Variants in CDK12 observed in about 807,000 individuals in gnomAD.
CDK12 encodes the protein cyclin-dependent kinase 12.
In CDK12, 17 loss-of-function variants were observed where a neutral mutation model predicts 133.8. That is an observed-to-expected ratio of 0.13 (90% CI 0.09 to 0.19). The LOEUF (loss-of-function observed/expected upper bound fraction) is 0.19. CDK12 is among the 10% of genes least tolerant of loss of function. The probability of loss-of-function intolerance (pLI) is 1.00; values close to 1 mark genes in which losing one functional copy is unlikely to be tolerated. For synonymous variants in CDK12, 694 were observed against 683.6 expected, an observed-to-expected ratio of 1.02 and a Z score of -0.24; for missense variants, 1,508 against 1,818.7, an observed-to-expected ratio of 0.83 and a Z score of 3.11.
In CDK12 at chr17:39,470,343, G is replaced by C. The variant is rs541463106; in HGVS notation, c.1047-536G>C. On this transcript the variant is annotated intron_variant, in intron 1 of 13. Coordinates refer to ENST00000447079, the MANE Select transcript of CDK12 (RefSeq NM_016507.4). The stretch of plus-strand genomic sequence containing the variant: ...TCACCGTGTTAGCCAGGATGGTCTC[G>C]ATCTGCTGACCTGGTGATCTGCCCG... Among the ~76,000 whole-genome samples the C allele has an allele frequency of 2.6e-5, 4 of 151,738 alleles. No individual in the cohort carries two copies. The South Asian group carries it at 8.3e-4, about 32-fold the overall frequency.
downstream of CDK12, among the ~76,000 whole-genome samples, chr17:39,536,880 T>C (rs1014202174): frequency 6.6e-6 from 1 of 152,218 alleles, no homozygotes; most frequent in East Asian, 1.9e-4. Context: ...AGCATACTTC[T>C]GTGGAATAAG....
At chr17:39,493,152 C>G (rs946636317) in intron 4 of CDK12, among the ~76,000 whole-genome samples, 1 of 144,850 alleles carries the variant, frequency 6.9e-6, no homozygotes, top group Non-Finnish European at 1.5e-5. Context: ...CGCAACCACA[C>G]TCGACTAATT....
chr17:39,561,841 C>T (rs2056384462), intron 3 of CDK12, among the ~76,000 whole-genome samples: 2 of 152,188 alleles, frequency 1.3e-5, no homozygotes, highest in African/African-American at 4.8e-5. Context: ...TCAGGAACAG[C>T]ATATCTCCCA....
rs1203550834 is a variant in CDK12, at chr17:39,463,093, C to T, written c.1022C>T (p.Ser341Phe). The stretch of plus-strand genomic sequence containing the variant: ...AGCAGCCCTTTCCTGAGCAAGCGGT[C>T]TCTGAGTCGGAGTCCACTCCCCAGG... The part of the protein sequence containing the change: ...RSSSPFLSKR[S>F]LSRSPLPSRK... Residue 341 changes from serine (S) to phenylalanine (F), a missense_variant, in exon 1 of 14, where the codon TCT becomes TTT. Coordinates refer to ENST00000447079, the MANE Select transcript of CDK12 (RefSeq NM_016507.4). 4 of 1,614,098 alleles carry T rather than the reference C, an allele frequency of 2.5e-6. No individual in the cohort carries two copies. In the Middle Eastern group the frequency reaches 6.6e-4, roughly 266 times the overall value.
chr17:39,511,530 C>A lies in CDK12; in HGVS notation c.2668C>A (p.Arg890Ser). 6.3e-7 allele frequency: 1 copy of A among 1,589,228 alleles called. No individual in the cohort carries two copies. Among genetic ancestry groups the A allele is most frequent in the Non-Finnish European group, 8.6e-7 (1 of 1,161,472 alleles). ...TCATGGTTGTTTTTTATATTTCAGT[C>A]GCCCTTACACAAACAAAGTCATTAC... ...LARLYNSEES[R>S]PYTNKVITLW... The change falls in exon 8 of 14, where the codon CGC becomes AGC. Residue 890 changes from arginine to serine, a missense_variant and splice_region_variant. Physicochemically the swap from Arg to Ser is moderately radical, Grantham distance 110. Coordinates refer to ENST00000447079, the MANE Select transcript of CDK12 (RefSeq NM_016507.4).
intron 11 of CDK12, among the ~76,000 whole-genome samples, chr17:39,520,435 G>T (rs763385897): frequency 2.6e-5 from 4 of 151,924 alleles, no homozygotes; most frequent in Non-Finnish European, 5.9e-5. Flanking sequence ...AGTCTCTGTC[G>T]CCCAGGCTGG....
At position 39,467,065 on chromosome 17, in the gene CDK12, G is replaced by A. The variant is rs1297959751; in HGVS notation, c.1047-3814G>A. Among the ~76,000 whole-genome samples the A allele has an allele frequency of 4.6e-5, 7 of 151,886 alleles. 1 individual carries two copies. The highest frequency in any genetic ancestry group is 8.8e-5 in the Non-Finnish European group (6 of 67,984). On this transcript the variant is annotated intron_variant, in intron 1 of 13. Transcript: ENST00000447079. ...GCGATCTCAGCTCACTGCAACCTCC[G>A]CCTCCCAGGTTCAAGCGATTCTCCT...
intron 2 of CDK12, among the ~76,000 whole-genome samples, chr17:39,476,517 A>C (rs1375111804): frequency 6.8e-6 from 1 of 147,310 alleles, no homozygotes; most frequent in African/African-American, 2.5e-5. Context: ...GGGTTCAAGC[A>C]ATTCTCCTGC....
chr17:39,551,010 C>T (rs2055934543), intron 1 of CDK12: 1 of 149,162 alleles, frequency 6.7e-6, no homozygotes, highest in South Asian at 2.1e-4. Context: ...ACTTGGAGCT[C>T]ATCTTGCCCC....
chr17:39,491,896 A>G lies in CDK12; in HGVS notation c.2109-855A>G, dbSNP rs552302450. Among the ~76,000 whole-genome samples, 141 of 150,734 alleles carry G rather than the reference A, an allele frequency of 9.4e-4. 1 individual carries two copies. The highest frequency in any genetic ancestry group is 4.7e-3 in the Admixed American group (70 of 15,038). Reference sequence around the variant, plus strand: ...GTAATCCCAGCACTTTGGGAGGCCAAGGCGGGTGGATCATGAGGTCAAGAG... The same window carrying G: ...GTAATCCCAGCACTTTGGGAGGCCAGGGCGGGTGGATCATGAGGTCAAGAG... On this transcript the variant is annotated intron_variant, in intron 3 of 13. Transcript: ENST00000447079.
At chr17:39,476,968 G>T (rs1321557438) in intron 2 of CDK12, among the ~76,000 whole-genome samples, 1 of 151,010 alleles carries the variant, frequency 6.6e-6, no homozygotes. Flanking sequence ...CCTGCCTCGG[G>T]CTTCCAACGT....
At chr17:39,514,061 C>CT (rs1368507633) in intron 8 of CDK12, among the ~76,000 whole-genome samples, 3 of 151,204 alleles carry the variant, frequency 2.0e-5, no homozygotes, top group Non-Finnish European at 2.9e-5. Flanking sequence ...TTAAATTTTA[C>CT]TTTTTTTTTC....
At chr17:39,552,779 A>G (rs1056719687) in intron 2 of CDK12, among the ~76,000 whole-genome samples, 1 of 152,000 alleles carries the variant, frequency 6.6e-6, no homozygotes, top group Non-Finnish European at 1.5e-5. Context: ...CAGGCTGGAG[A>G]GTGCAGTGGC....
intron 2 of CDK12, among the ~76,000 whole-genome samples, chr17:39,477,917 A>G (rs969265036): frequency 1.3e-5 from 2 of 151,728 alleles, no homozygotes; most frequent in Non-Finnish European, 2.9e-5. Flanking sequence ...TACATTGACC[A>G]GGCTGGTCTT....
chr17:39,504,209 C>T (rs180838791), intron 6 of CDK12, among the ~76,000 whole-genome samples: 4 of 152,256 alleles, frequency 2.6e-5, no homozygotes, highest in African/African-American at 9.6e-5. Flanking sequence ...AGGCAAATCT[C>T]TTTTGAATAT....
intron 8 of CDK12, 70 bp from the exon 9 acceptor site, chr17:39,515,661 A>C: frequency 1.0e-6 from 1 of 1,000,362 alleles, no homozygotes; most frequent in African/African-American, 1.6e-5. Context: ...AATAATGTAA[A>C]AATTTTTTGA....
chr17:39,532,324 A>G lies in CDK12; in HGVS notation c.*1008A>G, dbSNP rs2054914772. 8.6e-6 allele frequency: 2 copies of G among 233,186 alleles called. No individual in the cohort carries two copies. The highest frequency in any genetic ancestry group is 1.7e-5 in the Non-Finnish European group (2 of 118,006). 14.4% of individuals were successfully genotyped at this position (233,186 alleles called of 1,614,324 possible). On this transcript the variant is annotated 3_prime_UTR_variant, in exon 14 of 14. Transcript: ENST00000447079. ...TCTAAAATGTTTTGTTTTTTAAACC[A>G]TGTTCTGATGGGGAAGTTGATTTGT...
chr17:39,471,372 A>C lies in CDK12; in HGVS notation c.1540A>C (p.Thr514Pro), dbSNP rs1300652745. 1 of 1,613,890 alleles carries C rather than the reference A, an allele frequency of 6.2e-7. No homozygotes were observed. The highest frequency in any genetic ancestry group is 2.2e-5 in the East Asian group (1 of 44,890). The change falls in exon 2 of 14, where the codon ACT becomes CCT. Residue 514 changes from threonine (T) to proline (P), a missense_variant. Physicochemically the swap from Thr to Pro is conservative, Grantham distance 38. Coordinates refer to ENST00000447079, the MANE Select transcript of CDK12 (RefSeq NM_016507.4). ...KPIALKEEIV[T>P]PKETETSEKE... Reference sequence around the variant, plus strand: ...CATAGCACTGAAAGAGGAGATTGTTACTCCAAAGGAGACAGAAACATCAGA... The same window carrying C: ...CATAGCACTGAAAGAGGAGATTGTTCCTCCAAAGGAGACAGAAACATCAGA...
intron 2 of CDK12, among the ~76,000 whole-genome samples, chr17:39,474,841 TA>T (rs1360463435): frequency 1.3e-5 from 2 of 150,432 alleles, no homozygotes; most frequent in African/African-American, 4.9e-5. Context: ...TTTTTATTTT[TA>T]TTTTTTTTTG....
Sources: allele counts gnomAD v4.1 joint callset (sites outside exome capture counted in the v4.1 genomes callset), GRCh38; gene constraint gnomAD v4.1.1; transcripts MANE v1.5; gene names NCBI Gene and HGNC (gene_info 2026-07-23, HGNC 2026-07-21).